Variants in NWD2 observed in about 807,000 individuals in gnomAD.
NWD2 encodes the protein NACHT and WD repeat domain containing 2, also known as NACHT and WD repeat domain-containing protein 2.
A neutral mutation model predicts 132.7 loss-of-function variants in NWD2; 37 were observed. The ratio of observed to expected loss-of-function variants is 0.28; its 90% CI spans 0.21 to 0.37. The LOEUF (loss-of-function observed/expected upper bound fraction) is 0.37, where lower values mean the gene tolerates loss of function less well. NWD2 is among the 10% of genes least tolerant of loss of function. The pLI is 1.00. For synonymous variants in NWD2, 705 were observed against 803.0 expected, an observed-to-expected ratio of 0.88 and a Z score of 2.06; for missense variants, 1,592 against 2,122.4, an observed-to-expected ratio of 0.75 and a Z score of 4.91.
chr4:37,274,523 T>A (rs1717947076), intron 1 of NWD2, among the ~76,000 whole-genome samples: 2 of 152,254 alleles, frequency 1.3e-5, no homozygotes, highest in Non-Finnish European at 2.9e-5. Flanking sequence ...CTGGTACCAT[T>A]CCTTCTGAAA....
Position 37,363,503 on chromosome 4 carries a change from G to A in NWD2, c.357+7021G>A, listed in dbSNP as rs78683233. Among the ~76,000 whole-genome samples the A allele has an allele frequency of 4.1e-3, 631 of 152,256 alleles. 6 individuals are homozygous for A. Among genetic ancestry groups the A allele is most frequent in the African/African-American group, 0.014 (578 of 41,554 alleles). ...CTTTGTAGCAACATGGATGAAGCTG[G>A]ATGCTATTTTCCTAAGTGGATTAAC... On this transcript the variant is annotated intron_variant, in intron 3 of 6. Coordinates refer to ENST00000309447, the MANE Select transcript of NWD2 (RefSeq NM_001144990.2).
chr4:37,245,487 A>C (rs1717219808), intron 1 of NWD2, among the ~76,000 whole-genome samples: 1 of 151,380 alleles, frequency 6.6e-6, no homozygotes, highest in Non-Finnish European at 1.5e-5. Context: ...CCAAGGCATT[A>C]GCCGGCCCTT....
chr4:37,252,852 A>C (rs1717406371), intron 1 of NWD2, among the ~76,000 whole-genome samples: 1 of 152,110 alleles, frequency 6.6e-6, no homozygotes, highest in African/African-American at 2.4e-5. Flanking sequence ...CAGAATGTTT[A>C]TTTTGCTGCA....
chr4:37,362,453 T>C (rs1193767549), intron 3 of NWD2, among the ~76,000 whole-genome samples: 1 of 152,174 alleles, frequency 6.6e-6, no homozygotes, highest in Non-Finnish European at 1.5e-5. Flanking sequence ...AACAGCATGG[T>C]GCTGGTACAA....
intron 3 of NWD2, 96 bp from the exon 4 acceptor site, chr4:37,430,476 C>A: frequency 1.2e-6 from 1 of 846,726 alleles, no homozygotes; most frequent in African/African-American, 1.7e-5. Context: ...ATCTTGTTAT[C>A]TATTGATTAA....
intron 1 of NWD2, among the ~76,000 whole-genome samples, chr4:37,275,961 A>G (rs1718003029): frequency 6.6e-6 from 1 of 152,218 alleles, no homozygotes; most frequent in Non-Finnish European, 1.5e-5. Flanking sequence ...AGATGAATTA[A>G]AGACTTAAAT....
chr4:37,282,324 A>T (rs1020550327), intron 1 of NWD2, among the ~76,000 whole-genome samples: 1 of 152,032 alleles, frequency 6.6e-6, no homozygotes, highest in African/African-American at 2.4e-5. Context: ...GTAGGAAAAA[A>T]AATGCAGAAT....
intron 1 of NWD2, among the ~76,000 whole-genome samples, chr4:37,277,257 G>A (rs1403409797): frequency 6.6e-6 from 1 of 151,962 alleles, no homozygotes; most frequent in African/African-American, 2.4e-5. Flanking sequence ...ATGTCCCGGT[G>A]TGAATCTCTT....
intron 3 of NWD2, among the ~76,000 whole-genome samples, chr4:37,358,854 T>C (rs930238881): frequency 2.6e-5 from 4 of 152,184 alleles, no homozygotes. Context: ...CCAAAAAAGT[T>C]TTTATCAAAG....
At chr4:37,306,585 T>A (rs558620277) in intron 1 of NWD2, among the ~76,000 whole-genome samples, 4 of 152,328 alleles carry the variant, frequency 2.6e-5, no homozygotes, top group African/African-American at 9.6e-5. Flanking sequence ...TTGTTTAATT[T>A]CCATGTATTT....
intron 1 of NWD2, among the ~76,000 whole-genome samples, chr4:37,266,620 A>G (rs967001343): frequency 6.6e-6 from 1 of 152,090 alleles, no homozygotes; most frequent in Non-Finnish European, 1.5e-5. Flanking sequence ...GGAAATGTGG[A>G]AAATAATCTT....
At chr4:37,278,819 A>C (rs1375235699) in intron 1 of NWD2, among the ~76,000 whole-genome samples, 1 of 152,172 alleles carries the variant, frequency 6.6e-6, no homozygotes, top group East Asian at 1.9e-4. Context: ...TTCCTACCAA[A>C]GATTCAACAT....
intron 1 of NWD2, among the ~76,000 whole-genome samples, chr4:37,274,425 T>C (rs560599562): frequency 7.9e-5 from 12 of 152,142 alleles, no homozygotes; most frequent in African/African-American, 2.4e-4. Context: ...GCTCTGAAAT[T>C]GAGGCAATAA....
At chr4:37,422,952 C>T (rs2109323393) in intron 3 of NWD2, among the ~76,000 whole-genome samples, 1 of 151,974 alleles carries the variant, frequency 6.6e-6, no homozygotes, top group South Asian at 2.1e-4. Context: ...ATGTGAAACA[C>T]AGGCTCACTG....
chr4:37,348,030 T>C (rs538200484), intron 2 of NWD2, among the ~76,000 whole-genome samples: 15 of 152,326 alleles, frequency 9.8e-5, no homozygotes, highest in African/African-American at 3.4e-4. Context: ...CAGTATGTTA[T>C]CACAATTTTC....
intron 1 of NWD2, among the ~76,000 whole-genome samples, chr4:37,323,434 A>G (rs1719108682): frequency 6.6e-6 from 1 of 152,194 alleles, no homozygotes; most frequent in African/African-American, 2.4e-5. Flanking sequence ...AAGAAACATG[A>G]AAAAATACTC....
At chr4:37,252,737 C>T (rs1717403487) in intron 1 of NWD2, among the ~76,000 whole-genome samples, 1 of 152,206 alleles carries the variant, frequency 6.6e-6, no homozygotes, top group African/African-American at 2.4e-5. Context: ...CAGCTTTTCG[C>T]TCATCTTTCA....
intron 1 of NWD2, among the ~76,000 whole-genome samples, chr4:37,297,362 C>T (rs1438078389): frequency 1.3e-5 from 2 of 151,832 alleles, no homozygotes; most frequent in Non-Finnish European, 2.9e-5. Flanking sequence ...TATTTTTTCC[C>T]AAATATTTTC....
At chr4:37,276,413 A>C (rs1226861479) in intron 1 of NWD2, among the ~76,000 whole-genome samples, 2 of 152,186 alleles carry the variant, frequency 1.3e-5, no homozygotes, top group South Asian at 2.1e-4. Context: ...CACCAGTTAG[A>C]ATGGCGATCA....
Sources: allele counts gnomAD v4.1 joint callset (sites outside exome capture counted in the v4.1 genomes callset), GRCh38; gene constraint gnomAD v4.1.1; transcripts MANE v1.5; gene names NCBI Gene and HGNC (gene_info 2026-07-23, HGNC 2026-07-21).